MAP7D2: variants seen among roughly 807,000 people sequenced by gnomAD.
MAP7D2 encodes MAP7 domain-containing protein 2.
Under a neutral mutation model 63.5 loss-of-function variants are expected in MAP7D2, and 33 were observed. That is an observed-to-expected ratio of 0.52 (90% CI 0.39 to 0.70). The LOEUF is 0.70. Ranked by LOEUF, MAP7D2 falls within the 30% of genes least tolerant of loss-of-function variation. The pLI, the probability that MAP7D2 is intolerant of heterozygous loss-of-function variation, is 0.00. For synonymous variants in MAP7D2, 224 were observed against 223.7 expected, an observed-to-expected ratio of 1.00 and a Z score of -0.01; for missense variants, 626 against 604.0, an observed-to-expected ratio of 1.04 and a Z score of -0.38.
chrX:20,089,501 C>T (rs113293715), intron 1 of MAP7D2, among the ~76,000 whole-genome samples: 7 of 112,215 alleles, frequency 6.2e-5, no homozygotes, highest in African/African-American at 2.3e-4. Context: ...CAATTTATGC[C>T]CTAGTCCTTG....
intron 14 of MAP7D2, 114 bp from the exon 15 acceptor site, chrX:20,012,649 T>G: frequency 1.6e-6 from 1 of 619,171 alleles, no homozygotes. Context: ...TACTGCAGCA[T>G]CTTTTGTGGA....
intron 3 of MAP7D2, among the ~76,000 whole-genome samples, chrX:20,061,905 G>T (rs1238060010): frequency 1.8e-5 from 2 of 112,207 alleles, no homozygotes; most frequent in African/African-American, 6.5e-5. Flanking sequence ...GGAAGAAGAG[G>T]ACAAGCTCTA....
Position 20,091,727 on chromosome X carries a change from C to T in MAP7D2, c.130+25023G>A, listed in dbSNP as rs190524255. Among the ~76,000 whole-genome samples the T allele has an allele frequency of 4.5e-5, 5 of 111,535 alleles. No individual in the cohort carries two copies. The East Asian group carries it at 8.5e-4, about 19-fold the overall frequency. ...TCCACAGCAAGGGCCTGCTGGTACT[C>T]GTTTCATTCCCAGCAATACGGAGAT... On this transcript the variant is annotated intron_variant, in intron 1 of 16. Coordinates refer to ENST00000379643, the MANE Select transcript of MAP7D2 (RefSeq NM_001168465.2).
chrX:20,106,201 G>C (rs959154835), intron 1 of MAP7D2, among the ~76,000 whole-genome samples: 1 of 112,103 alleles, frequency 8.9e-6, no homozygotes, highest in African/African-American at 3.2e-5. Flanking sequence ...CTCGATGACA[G>C]CTTAATAATT....
chrX:20,061,563 G>A (rs984291190), intron 3 of MAP7D2, among the ~76,000 whole-genome samples: 5 of 112,165 alleles, frequency 4.5e-5, no homozygotes, highest in Non-Finnish European at 9.4e-5. Flanking sequence ...AGGGTCGGTC[G>A]GGCAGCCTCC....
At chrX:20,040,414 A>G (rs1020731030) in intron 8 of MAP7D2, among the ~76,000 whole-genome samples, 5 of 111,821 alleles carry the variant, frequency 4.5e-5, no homozygotes, top group East Asian at 5.5e-4. Context: ...ATTTCCTTCA[A>G]TAACTTTTCC....
At chrX:20,017,036 A>C (rs1199456784) in intron 10 of MAP7D2, 1 of 113,867 alleles carries the variant, frequency 8.8e-6, no homozygotes, top group Non-Finnish European at 1.9e-5. Flanking sequence ...AAAATCCTGT[A>C]AAGTCCAAGA....
chrX:20,015,199 G>A (rs369296899), intron 12 of MAP7D2, 24 bp downstream of exon 12: 1 of 1,120,393 alleles, frequency 8.9e-7, no homozygotes, highest in Non-Finnish European at 1.2e-6. Context: ...CTTACCCTAG[G>A]TCTTCCTGAC....
intron 1 of MAP7D2, among the ~76,000 whole-genome samples, chrX:20,109,772 G>A (rs909777181): frequency 4.5e-5 from 5 of 111,572 alleles, no homozygotes; most frequent in Non-Finnish European, 7.5e-5. Context: ...AAGGCTGGGC[G>A]TGGTGGCTCA....
chrX:20,043,555 G>A (rs1192462733), intron 7 of MAP7D2, among the ~76,000 whole-genome samples: 1 of 111,998 alleles, frequency 8.9e-6, no homozygotes, highest in Admixed American at 9.5e-5. Context: ...CGTCTCAGAT[G>A]AGGCCCAGCC....
intron 1 of MAP7D2, 96 bp downstream of exon 1, chrX:20,116,654 C>T (rs1311905419): frequency 3.9e-6 from 4 of 1,034,495 alleles, no homozygotes; most frequent in South Asian, 6.2e-5. Flanking sequence ...GTGCCCCTTC[C>T]CCCCACGCTC....
intron 1 of MAP7D2, among the ~76,000 whole-genome samples, chrX:20,070,047 C>A (rs1002157988): frequency 1.8e-5 from 2 of 111,399 alleles, no homozygotes; most frequent in Non-Finnish European, 3.8e-5. Flanking sequence ...CTCCCGGGCT[C>A]AAGCGATTGT....
chrX:20,015,086 TAA>T, intron 12 of MAP7D2, 135 bp downstream of exon 12: 1 of 447,918 alleles, frequency 2.2e-6, no homozygotes, highest in Non-Finnish European at 3.8e-6. Flanking sequence ...AATAAAGACA[TAA>T]AAGATTTGAA....
In MAP7D2 at chrX:20,027,757, G is replaced by GGAGAGAGA. The variant is rs56796954; in HGVS notation, c.1008-1813_1008-1806dup. 1.5e-3 allele frequency among the ~76,000 whole-genome samples: 118 copies of GGAGAGAGA among 76,243 alleles called. 2 individuals carry two copies. The highest frequency in any genetic ancestry group is 4.5e-3 in the African/African-American group (82 of 18,109). 66.2% of individuals were successfully genotyped at this position (76,243 alleles called of 115,157 possible). On this transcript the variant is annotated intron_variant, in intron 8 of 16. Transcript: ENST00000379643. ...GGAGAGAGGGAGAGAGAAGGCGGGG[G>GGAGAGAGA]GAGAGAGAGAGAGAGAGAGAGAGAG... is the stretch of plus-strand genomic sequence containing the variant.
chrX:20,116,371 G>A (rs906787418), intron 1 of MAP7D2, among the ~76,000 whole-genome samples: 1 of 112,440 alleles, frequency 8.9e-6, no homozygotes, highest in Non-Finnish European at 1.9e-5. Context: ...CGCGCGCGGA[G>A]GCCGGGGCAA....
At chrX:20,065,380 C>T (rs1455969648) in intron 1 of MAP7D2, among the ~76,000 whole-genome samples, 2 of 108,758 alleles carry the variant, frequency 1.8e-5, no homozygotes, top group African/African-American at 6.7e-5. Context: ...GATTCTCCTG[C>T]CTCAGCCTCT....
chrX:20,037,405 G>A (rs756615195), intron 8 of MAP7D2, among the ~76,000 whole-genome samples: 1 of 111,761 alleles, frequency 8.9e-6, no homozygotes, highest in African/African-American at 3.3e-5. Flanking sequence ...CCCCCAGCCC[G>A]CACCGATGGC....
chrX:20,017,835 T>A (rs2073459875), intron 10 of MAP7D2, among the ~76,000 whole-genome samples: 1 of 111,890 alleles, frequency 8.9e-6, no homozygotes, highest in African/African-American at 3.3e-5. Flanking sequence ...TTCTTACCCT[T>A]TATTAACGAG....
At chrX:20,061,118 CAAAAAAAAAAAAA>C (rs780468494) in intron 3 of MAP7D2, among the ~76,000 whole-genome samples, 5 of 34,880 alleles carry the variant, frequency 1.4e-4, no homozygotes, top group African/African-American at 5.3e-4. Context: ...AGAACATGAC[CAAAAAAAAAAAAA>C]AAAAAAAAAA....
Sources: allele counts gnomAD v4.1 joint callset (sites outside exome capture counted in the v4.1 genomes callset), GRCh38; gene constraint gnomAD v4.1.1; transcripts MANE v1.5; gene names NCBI Gene and HGNC (gene_info 2026-07-23, HGNC 2026-07-21).